Variants in BMPR1A observed in about 807,000 individuals in gnomAD.
BMPR1A encodes the protein bone morphogenetic protein receptor type-1A.
A neutral mutation model predicts 66.0 loss-of-function variants in BMPR1A; 7 were observed. That is an observed-to-expected ratio of 0.11 (90% confidence interval 0.06 to 0.20). The LOEUF is 0.20. BMPR1A is among the 10% of genes least tolerant of loss of function. The pLI, the probability that BMPR1A is intolerant of heterozygous loss-of-function variation, is 1.00. For missense variants in BMPR1A, 408 were observed against 669.1 expected (o/e 0.61, Z 4.31); for synonymous variants, 200 against 229.7 (o/e 0.87, Z 1.17).
At chr10:86,805,281 G>A (rs186827290) in intron 1 of BMPR1A, among the ~76,000 whole-genome samples, 22 of 151,896 alleles carry the variant, frequency 1.4e-4, no homozygotes, top group African/African-American at 4.6e-4. Flanking sequence ...ATACCATTGT[G>A]AATGCCCATA....
intron 2 of BMPR1A, among the ~76,000 whole-genome samples, chr10:86,850,550 A>C (rs1021393196): frequency 2.0e-5 from 3 of 152,172 alleles, no homozygotes; most frequent in African/African-American, 7.2e-5. Context: ...TGAGGGTGTA[A>C]TTCACTAGAT....
chr10:86,865,141 A>G (rs1398694643), intron 2 of BMPR1A, among the ~76,000 whole-genome samples: 1 of 148,830 alleles, frequency 6.7e-6, no homozygotes, highest in Non-Finnish European at 1.5e-5. Context: ...AAGAATCACA[A>G]AAGAATGAAT....
chr10:86,882,513 C>T (rs534790239), intron 3 of BMPR1A, among the ~76,000 whole-genome samples: 4 of 151,988 alleles, frequency 2.6e-5, no homozygotes, highest in Non-Finnish European at 4.4e-5. Flanking sequence ...ATACATCAAA[C>T]GGATAATGGT....
intron 7 of BMPR1A, among the ~76,000 whole-genome samples, chr10:86,904,820 G>A (rs1486120675): frequency 2.0e-5 from 3 of 152,232 alleles, no homozygotes; most frequent in Non-Finnish European, 1.5e-5. Context: ...AACTGGTCAT[G>A]TAGGCTTTTT....
At chr10:86,802,723 ACT>A (rs962297219) in intron 1 of BMPR1A, among the ~76,000 whole-genome samples, 1 of 152,114 alleles carries the variant, frequency 6.6e-6, no homozygotes, top group African/African-American at 2.4e-5. Context: ...CATTTTAGTA[ACT>A]CAACACCAAC....
chr10:86,773,790 G>A (rs1224029841), intron 1 of BMPR1A, among the ~76,000 whole-genome samples: 2 of 151,426 alleles, frequency 1.3e-5, no homozygotes, highest in Non-Finnish European at 2.9e-5. Context: ...ATCTTAAATA[G>A]ACTAAGCATA....
At chr10:86,836,932 C>G (rs1199118346) in intron 1 of BMPR1A, among the ~76,000 whole-genome samples, 1 of 151,560 alleles carries the variant, frequency 6.6e-6, no homozygotes, top group African/African-American at 2.4e-5. Context: ...GAGCCTGTCT[C>G]AAAAAAGAAA....
Position 86,913,502 on chromosome 10 carries a change from A to G in BMPR1A, c.675+1118A>G, listed in dbSNP as rs774002098. On this transcript the variant is annotated intron_variant, in intron 8 of 12. Transcript: ENST00000372037. ...GAAAGGTAAAAGTAAAACTGCCTTC[A>G]TAGGCAGACAACATGATTGTTTACG... Among the ~76,000 whole-genome samples the G allele has an allele frequency of 1.1e-3, 170 of 152,262 alleles. 1 individual carries two copies. The highest frequency in any genetic ancestry group is 2.0e-3 in the Non-Finnish European group (136 of 68,028).
intron 1 of BMPR1A, among the ~76,000 whole-genome samples, chr10:86,804,152 T>C (rs1453494103): frequency 6.6e-6 from 1 of 152,212 alleles, no homozygotes; most frequent in Non-Finnish European, 1.5e-5. Flanking sequence ...ATATCATCTT[T>C]AAATAATAAT....
At chr10:86,867,602 T>G (rs1490596296) in intron 2 of BMPR1A, among the ~76,000 whole-genome samples, 1 of 152,258 alleles carries the variant, frequency 6.6e-6, no homozygotes, top group Non-Finnish European at 1.5e-5. Context: ...AGACTTTTGT[T>G]GTTGTTGTTG....
intron 1 of BMPR1A, among the ~76,000 whole-genome samples, chr10:86,761,927 C>T (rs1163183852): frequency 6.6e-6 from 1 of 152,274 alleles, no homozygotes; most frequent in South Asian, 2.1e-4. Context: ...TAGGGATTTC[C>T]ACTTGGCAGT....
chr10:86,763,876 T>C lies in BMPR1A; in HGVS notation c.-268+6957T>C, dbSNP rs2125058. On this transcript the variant is annotated intron_variant, in intron 1 of 12. Coordinates refer to ENST00000372037, the MANE Select transcript of BMPR1A (RefSeq NM_004329.3). ...GCGCATGTTGGCTCACTGCAAGCTCTGCCTCCCGGGTTCACGCCATTCTCC... is the reference window on the plus strand; with the variant it reads ...GCGCATGTTGGCTCACTGCAAGCTCCGCCTCCCGGGTTCACGCCATTCTCC... 0.43 allele frequency among the ~76,000 whole-genome samples: 64,130 copies of C among 150,146 alleles called. 14,111 individuals are homozygous for C. Among genetic ancestry groups the C allele is most frequent in the East Asian group, 0.72 (3,643 of 5,074 alleles).
At chr10:86,917,056 T>A in intron 8 of BMPR1A, 78 bp from the exon 9 acceptor site, 1 of 1,483,538 alleles carries the variant, frequency 6.7e-7, no homozygotes, top group Non-Finnish European at 9.3e-7. Flanking sequence ...TGCTTTTTGA[T>A]GAGATGGACT....
At position 86,900,109 on chromosome 10, in the gene BMPR1A, C is replaced by T. The variant is rs1843288258; in HGVS notation, c.513C>T (p.Ser171=). The T allele has an allele frequency of 6.2e-7, 1 of 1,613,750 alleles. No individual in the cohort carries two copies. Among genetic ancestry groups the T allele is most frequent in the Non-Finnish European group, 8.5e-7 (1 of 1,179,982 alleles). The part of the protein sequence containing the change: ...AVCIIAMIIF[S]SCFCYKHYCK... ...GCATAATTGCTATGATCATCTTCTC[C>T]AGCTGCTTTTGTTACAAGTAAGAAG... The change falls in exon 7 of 13, where the codon TCC becomes TCT. Residue 171 remains serine, a synonymous_variant. Transcript: ENST00000372037.
intron 1 of BMPR1A, among the ~76,000 whole-genome samples, chr10:86,829,829 T>A (rs1203611842): frequency 6.6e-6 from 1 of 152,212 alleles, no homozygotes; most frequent in African/African-American, 2.4e-5. Context: ...CTTTCCCTAG[T>A]TTTTGGCTTT....
intron 1 of BMPR1A, among the ~76,000 whole-genome samples, chr10:86,768,140 A>G (rs769718048): frequency 6.6e-6 from 1 of 152,162 alleles, no homozygotes; most frequent in Non-Finnish European, 1.5e-5. Context: ...ATCAGACCTC[A>G]ATTACTGAAC....
intron 1 of BMPR1A, among the ~76,000 whole-genome samples, chr10:86,821,091 ATCTT>A (rs979645783): frequency 2.6e-5 from 4 of 152,168 alleles, no homozygotes; most frequent in African/African-American, 9.7e-5. Flanking sequence ...GATTTTTTCT[ATCTT>A]AATATATTGT....
rs1564685623 is a variant in BMPR1A, at chr10:86,790,221, AT to A, written c.-268+33303del. Among the ~76,000 whole-genome samples the A allele has an allele frequency of 9.9e-4, 101 of 102,190 alleles. 17 individuals carry two copies. Among genetic ancestry groups the A allele is most frequent in the East Asian group, 2.2e-3 (8 of 3,600 alleles). The allele number at this position is 102,190 out of a possible 152,430, so 67.0% of individuals were successfully genotyped here. The stretch of plus-strand genomic sequence containing the variant: ...TATATATATATATATATATATATAT[AT>A]ATATATATATATATCAAAACCACAA... On this transcript the variant is annotated intron_variant, in intron 1 of 12. Coordinates refer to ENST00000372037, the MANE Select transcript of BMPR1A (RefSeq NM_004329.3).
intron 2 of BMPR1A, among the ~76,000 whole-genome samples, chr10:86,874,656 C>G (rs1156682342): frequency 6.6e-6 from 1 of 151,188 alleles, no homozygotes; most frequent in East Asian, 2.0e-4. Flanking sequence ...ATCTGCCCAC[C>G]TCAGCCTCTC....
Sources: allele counts gnomAD v4.1 joint callset (sites outside exome capture counted in the v4.1 genomes callset), GRCh38; gene constraint gnomAD v4.1.1; transcripts MANE v1.5; gene names NCBI Gene and HGNC (gene_info 2026-07-23, HGNC 2026-07-21).